The following FAM135B variants were observed in gnomAD, a reference collection of about 807,000 sequenced individuals.
The protein encoded by FAM135B is protein FAM135B.
In FAM135B, 43 loss-of-function variants were observed where a neutral mutation model predicts 127.7. The ratio of observed to expected loss-of-function variants is 0.34; its 90% CI spans 0.26 to 0.43. The LOEUF (loss-of-function observed/expected upper bound fraction) is 0.43, where lower values mean the gene tolerates loss of function less well. FAM135B is among the 20% of genes least tolerant of loss of function. The pLI, the probability that FAM135B is intolerant of heterozygous loss-of-function variation, is 1.00. For synonymous variants in FAM135B, 670 were observed against 665.1 expected, an observed-to-expected ratio of 1.01 and a Z score of -0.11; for missense variants, 1,558 against 1,725.6, an observed-to-expected ratio of 0.90 and a Z score of 1.72.
intron 7 of FAM135B, among the ~76,000 whole-genome samples, chr8:138,199,423 G>C (rs1341286812): frequency 6.6e-6 from 1 of 152,190 alleles, no homozygotes; most frequent in East Asian, 1.9e-4. Context: ...AGCAGGATGG[G>C]TGGAGGAACT....
rs1380520020 is a variant in FAM135B at position 138,243,637 on chromosome 8, T to C, written c.543-569A>G. Among the ~76,000 whole-genome samples, 1 of 152,246 alleles carries C rather than the reference T, an allele frequency of 6.6e-6. No homozygotes were observed. Among genetic ancestry groups the C allele is most frequent in the Non-Finnish European group, 1.5e-5 (1 of 68,042 alleles). On this transcript the variant is annotated intron_variant, in intron 6 of 19. Transcript: ENST00000395297. The surrounding 1 kb of genome is among the most constrained non-coding windows in gnomAD (Gnocchi z 7.5). ...GCTCAGCTCACAAATGTGCAGTTCC[T>C]GCCCAGCTCTGCAATCCAAAGATTA... is the stretch of plus-strand genomic sequence containing the variant.
At chr8:138,258,106 G>A (rs571032099) in intron 4 of FAM135B, among the ~76,000 whole-genome samples, 1 of 152,270 alleles carries the variant, frequency 6.6e-6, no homozygotes, top group Admixed American at 6.5e-5. Flanking sequence ...TTAAGAGAGA[G>A]ACTAGTTTTA....
Position 138,200,566 on chromosome 8 carries a change from A to G in FAM135B, c.670-2897T>C, listed in dbSNP as rs1235234411. On this transcript the variant is annotated intron_variant, in intron 7 of 19. Transcript: ENST00000395297. ...TTTTGATTTTCAAAATAGAATATAAATACGGTGAAACAAACAAAACCCCAT... is the reference window on the plus strand; with the variant it reads ...TTTTGATTTTCAAAATAGAATATAAGTACGGTGAAACAAACAAAACCCCAT... 2.0e-5 allele frequency among the ~76,000 whole-genome samples: 3 copies of G among 152,242 alleles called. No homozygotes were observed. In the East Asian group the frequency reaches 5.8e-4, roughly 29 times the overall value.
chr8:138,136,678 T>C (rs112983247), intron 19 of FAM135B, among the ~76,000 whole-genome samples: 156 of 152,298 alleles, frequency 1.0e-3, no homozygotes, highest in African/African-American at 3.5e-3. Context: ...TTCCTACCTA[T>C]CCTTTAAAAC....
At chr8:138,306,877 C>T (rs1198793521) in intron 3 of FAM135B, among the ~76,000 whole-genome samples, 3 of 152,188 alleles carry the variant, frequency 2.0e-5, no homozygotes, top group Non-Finnish European at 4.4e-5. Context: ...AGCCACCTCA[C>T]CTGGCCACAG....
At chr8:138,299,021 C>T (rs1825675281) in intron 3 of FAM135B, among the ~76,000 whole-genome samples, 2 of 150,632 alleles carry the variant, frequency 1.3e-5, no homozygotes, top group South Asian at 2.1e-4. Context: ...GATCGCGCCA[C>T]CGCACTCCAG....
chr8:138,464,412 T>C (rs1464165512), intron 1 of FAM135B, among the ~76,000 whole-genome samples: 2 of 152,178 alleles, frequency 1.3e-5, no homozygotes, highest in East Asian at 3.9e-4. Context: ...CCCCAACACA[T>C]GGCACAGGAT....
At chr8:138,338,776 T>G (rs554336612) in intron 2 of FAM135B, among the ~76,000 whole-genome samples, 4 of 152,128 alleles carry the variant, frequency 2.6e-5, no homozygotes, top group Admixed American at 2.6e-4. Context: ...ACCCAAAGGA[T>G]TATAAATCAT....
At chr8:138,319,792 T>G (rs930008910) in intron 2 of FAM135B, among the ~76,000 whole-genome samples, 2 of 152,196 alleles carry the variant, frequency 1.3e-5, no homozygotes, top group African/African-American at 2.4e-5. Context: ...CAAAACAGAA[T>G]TAAGGTTGCA....
intron 1 of FAM135B, among the ~76,000 whole-genome samples, chr8:138,463,836 T>G (rs1837253914): frequency 6.6e-6 from 1 of 151,910 alleles, no homozygotes; most frequent in Non-Finnish European, 1.5e-5. Context: ...AGAATGAGAT[T>G]TGAAGATATA....
intron 6 of FAM135B, among the ~76,000 whole-genome samples, chr8:138,247,488 AAG>A (rs906151079): frequency 5.2e-4 from 79 of 152,264 alleles, no homozygotes; most frequent in African/African-American, 1.8e-3. Context: ...GCATGTGAAG[AAG>A]GATGTGTTTA....
At chr8:138,234,665 C>G (rs1490081309) in intron 7 of FAM135B, among the ~76,000 whole-genome samples, 2 of 152,208 alleles carry the variant, frequency 1.3e-5, no homozygotes, top group African/African-American at 2.4e-5. Flanking sequence ...AAATGTCAAA[C>G]AGTGGCGCCT....
intron 1 of FAM135B, among the ~76,000 whole-genome samples, chr8:138,484,717 G>A (rs1814919749): frequency 6.6e-6 from 1 of 151,924 alleles, no homozygotes; most frequent in Non-Finnish European, 1.5e-5. Flanking sequence ...ACATCCACAT[G>A]CTTTTGAAAA....
chr8:138,362,273 A>C (rs914587260), intron 2 of FAM135B, among the ~76,000 whole-genome samples: 1,498 of 101,814 alleles, frequency 0.015, no homozygotes, highest in Admixed American at 0.029. Flanking sequence ...ACCATCCCCC[A>C]CCCCCATATC....
At chr8:138,285,853 C>A (rs866046730) in intron 3 of FAM135B, among the ~76,000 whole-genome samples, 1 of 152,300 alleles carries the variant, frequency 6.6e-6, no homozygotes, top group South Asian at 2.1e-4. Flanking sequence ...GCAAAAGGTT[C>A]CTAAAATGGA....
At chr8:138,339,333 T>G (rs1828863298) in intron 2 of FAM135B, among the ~76,000 whole-genome samples, 2 of 145,484 alleles carry the variant, frequency 1.4e-5, no homozygotes, top group South Asian at 4.5e-4. Context: ...ATAAGTCAGT[T>G]GCATCCTGTT....
intron 7 of FAM135B, among the ~76,000 whole-genome samples, chr8:138,202,027 A>G (rs1586758528): frequency 6.6e-6 from 1 of 151,060 alleles, no homozygotes; most frequent in Non-Finnish European, 1.5e-5. Flanking sequence ...CAGGAGGCTG[A>G]GGCAGGAGAA....
chr8:138,181,289 G>A (rs982738528), intron 9 of FAM135B, among the ~76,000 whole-genome samples: 3 of 152,198 alleles, frequency 2.0e-5, no homozygotes, highest in African/African-American at 4.8e-5. Context: ...GGAATATGGC[G>A]GACAGGGTCA....
Position 138,139,035 on chromosome 8 carries a change from A to G in FAM135B, c.3852T>C (p.Asp1284=). ...GGAAACATTTGCGCAAATCAGCATT[A>G]TCCCTGAAGGTCAGCTGCAGTAGAG... ...SGSLLQLTFR[D]NADLRKCFLY... The change falls in exon 18 of 20, where the codon GAT becomes GAC. Residue 1284 remains aspartate, a synonymous_variant. Coordinates refer to ENST00000395297, the MANE Select transcript of FAM135B (RefSeq NM_015912.4). The G allele has an allele frequency of 6.2e-7, 1 of 1,614,056 alleles. No homozygotes were observed. The highest frequency in any genetic ancestry group is 8.5e-7 in the Non-Finnish European group (1 of 1,179,910).
Sources: allele counts gnomAD v4.1 joint callset (sites outside exome capture counted in the v4.1 genomes callset), GRCh38; gene constraint gnomAD v4.1.1; non-coding constraint Gnocchi (gnomAD v3.1); transcripts MANE v1.5; gene names NCBI Gene and HGNC (gene_info 2026-07-23, HGNC 2026-07-21).